The following FGD3 variants were observed in gnomAD, a reference collection of about 807,000 sequenced individuals.
The protein encoded by FGD3 is FYVE, RhoGEF and PH domain containing 3, also known as FYVE, RhoGEF and PH domain-containing protein 3.
FGD3 carries 45 observed loss-of-function variants against 71.8 expected under a neutral mutation model. The ratio of observed to expected loss-of-function variants is 0.63; its 90% confidence interval spans 0.49 to 0.80. The LOEUF (loss-of-function observed/expected upper bound fraction) is 0.80, where lower values mean the gene tolerates loss of function less well. FGD3 is among the 30% of genes least tolerant of loss of function. FGD3 has a pLI of 0.00. For missense variants in FGD3, 844 were observed against 951.5 expected (o/e 0.89, Z 1.49); for synonymous variants, 378 against 392.8 (o/e 0.96, Z 0.44).
At chr9:92,967,997 G>A (rs2118539487) in intron 1 of FGD3, among the ~76,000 whole-genome samples, 1 of 152,326 alleles carries the variant, frequency 6.6e-6, no homozygotes, top group African/African-American at 2.4e-5. Flanking sequence ...ATGCTGCTAT[G>A]TATGTGGGTG....
intron 1 of FGD3, among the ~76,000 whole-genome samples, chr9:92,958,181 TAG>T (rs1361515917): frequency 6.6e-6 from 1 of 152,056 alleles, no homozygotes; most frequent in East Asian, 1.9e-4. Flanking sequence ...GTATTTTTAG[TAG>T]AGACAGGGTT....
chr9:93,004,120 G>A lies in FGD3; in HGVS notation c.663G>A (p.Thr221=), dbSNP rs1022257734. Reference sequence around the variant, plus strand: ...AGTTCCTGCTGCCGGAGCTGAAGACGCGGATCACGGAGGAGTGGTGAGTAC... The same window carrying A: ...AGTTCCTGCTGCCGGAGCTGAAGACACGGATCACGGAGGAGTGGTGAGTAC... ...HGQFLLPELK[T]RITEEWDTNP... The change falls in exon 5 of 18, where the codon ACG becomes ACA. Residue 221 remains threonine, a synonymous_variant. Transcript: ENST00000375482. The A allele has an allele frequency of 2.5e-6, 4 of 1,613,990 alleles. No homozygotes were observed. The highest frequency in any genetic ancestry group is 3.3e-4 in the Middle Eastern group (2 of 6,062).
intron 3 of FGD3, among the ~76,000 whole-genome samples, chr9:92,991,303 T>C (rs1353468353): frequency 6.6e-6 from 1 of 152,152 alleles, no homozygotes; most frequent in African/African-American, 2.4e-5. Context: ...GGTTTCAAAC[T>C]CCTAGGCTCA....
At chr9:93,033,382 C>T (rs562453710) in intron 16 of FGD3, 7 of 201,888 alleles carry the variant, frequency 3.5e-5, no homozygotes, top group Admixed American at 1.6e-4. Flanking sequence ...CCTCTCCCTC[C>T]GCCTCGCTGT....
chr9:92,996,066 T>C (rs1860631148), intron 3 of FGD3, among the ~76,000 whole-genome samples: 1 of 152,196 alleles, frequency 6.6e-6, no homozygotes, highest in Admixed American at 6.5e-5. Flanking sequence ...CAGCTCCTCT[T>C]TGTACCTCTG....
At chr9:92,966,832 C>CT (rs1167755892) in intron 1 of FGD3, among the ~76,000 whole-genome samples, 5 of 152,254 alleles carry the variant, frequency 3.3e-5, no homozygotes, top group African/African-American at 1.2e-4. Context: ...CCCTTCGCAC[C>CT]TTGTCATTTT....
intron 8 of FGD3, among the ~76,000 whole-genome samples, chr9:93,012,524 G>C (rs183018635): frequency 6.6e-6 from 1 of 152,034 alleles, no homozygotes; most frequent in East Asian, 1.9e-4. Context: ...GTGGCTCATG[G>C]CTGTAATCCC....
chr9:92,990,773 T>G (rs918723968), intron 3 of FGD3, among the ~76,000 whole-genome samples: 1 of 152,222 alleles, frequency 6.6e-6, no homozygotes, highest in African/African-American at 2.4e-5. Flanking sequence ...TAAATCCCAC[T>G]CGATTGTGGT....
chr9:93,018,168 T>G lies in FGD3; in HGVS notation c.1308T>G (p.His436Gln), dbSNP rs775869233. ...ATATCGTCAAGCCAAACACAGCACA[T>G]ACATTCATCATAACAGGAAGAAAAA... Reference protein sequence around the residue: ...VQDIVKPNTAHTFIITGRKRS... With the variant: ...VQDIVKPNTAQTFIITGRKRS... Residue 436 changes from histidine (H) to glutamine (Q), a missense_variant, in exon 11 of 18, where the codon CAT becomes CAG. His to Gln is a conservative substitution (Grantham distance 24). Coordinates refer to ENST00000375482, the MANE Select transcript of FGD3 (RefSeq NM_001083536.2). 6.2e-6 allele frequency: 10 copies of G among 1,614,020 alleles called. No homozygotes were observed. The South Asian group carries it at 1.1e-4, about 18-fold the overall frequency.
intron 16 of FGD3, 58 bp from the exon 17 acceptor site, chr9:93,034,483 G>A: frequency 2.6e-6 from 4 of 1,543,370 alleles, no homozygotes; most frequent in Non-Finnish European, 3.5e-6. Flanking sequence ...AGCCTCCTCA[G>A]AACAGGGGTG....
intron 10 of FGD3, among the ~76,000 whole-genome samples, chr9:93,016,988 C>T (rs954359523): frequency 8.5e-5 from 13 of 152,300 alleles, no homozygotes; most frequent in Non-Finnish European, 1.8e-4. Flanking sequence ...AAGCTGGGCA[C>T]GTAGTTTCGC....
chr9:93,035,403 G>C lies in FGD3; in HGVS notation c.1992G>C (p.Glu664Asp). The C allele has an allele frequency of 6.2e-7, 1 of 1,611,988 alleles. No homozygotes were observed. The highest frequency in any genetic ancestry group is 8.5e-7 in the Non-Finnish European group (1 of 1,179,340). The change falls in exon 18 of 18, where the codon GAG becomes GAC. Residue 664 changes from glutamate to aspartate, a missense_variant. By Grantham distance (45) the Glu-to-Asp change is conservative (BLOSUM62 2). Transcript: ENST00000375482. ...AACTGAGTGTGCCGGACCCTGAGGA[G>C]AGGCTGGACTCGGGGCATGTGTGGA... is the stretch of plus-strand genomic sequence containing the variant. ...SCKLSVPDPE[E>D]RLDSGHVWKL...
chr9:92,982,045 A>G (rs1419468885), intron 3 of FGD3, among the ~76,000 whole-genome samples: 1 of 152,210 alleles, frequency 6.6e-6, no homozygotes, highest in Non-Finnish European at 1.5e-5. Flanking sequence ...TGTTAACAAT[A>G]GTCCTTCTAC....
rs568751760 is a variant in FGD3, at chr9:93,014,084, G to C, written c.1182+86G>C. 38 of 1,474,500 alleles carry C rather than the reference G, an allele frequency of 2.6e-5. No individual in the cohort carries two copies. The African/African-American group carries it at 5.3e-4, about 20-fold the overall frequency. 91.3% of individuals were successfully genotyped at this position (1,474,500 alleles called of 1,614,324 possible). ...GGGCAGTGCCAGGAGGGCTCTGGCT[G>C]CCCAAGGACATGGCTCTTCTGTGGC... is the stretch of plus-strand genomic sequence containing the variant. On this transcript the variant is annotated intron_variant, in intron 9 of 17. Coordinates refer to ENST00000375482, the MANE Select transcript of FGD3 (RefSeq NM_001083536.2).
chr9:93,009,673 A>G lies in FGD3; in HGVS notation c.838-573A>G, dbSNP rs184672625. On this transcript the variant is annotated intron_variant, in intron 6 of 17. Coordinates refer to ENST00000375482, the MANE Select transcript of FGD3 (RefSeq NM_001083536.2). ...AGACATGGCAGCAAGGAGGTGCTGC[A>G]GGGTGCGAGGGGAGGCACAGGGAGC... Among the ~76,000 whole-genome samples, 13 of 152,336 alleles carry G rather than the reference A, an allele frequency of 8.5e-5. 1 individual carries two copies. The East Asian group carries it at 1.7e-3, about 20-fold the overall frequency.
At chr9:92,997,220 C>A (rs1860681444) in intron 3 of FGD3, among the ~76,000 whole-genome samples, 1 of 152,120 alleles carries the variant, frequency 6.6e-6, no homozygotes, top group South Asian at 2.1e-4. Flanking sequence ...GTCCCTTTAC[C>A]ATTATGCAAT....
At chr9:93,014,796 C>T (rs1861599912) in intron 9 of FGD3, among the ~76,000 whole-genome samples, 1 of 152,134 alleles carries the variant, frequency 6.6e-6, no homozygotes, top group African/African-American at 2.4e-5. Flanking sequence ...CGTGCGCCAC[C>T]ACGCCCGGCT....
chr9:92,953,623 C>A (rs561607007), intron 1 of FGD3, among the ~76,000 whole-genome samples: 7 of 152,300 alleles, frequency 4.6e-5, no homozygotes, highest in Non-Finnish European at 8.8e-5. Flanking sequence ...GGGGCTCACA[C>A]AATGTCACCT....
At chr9:93,010,461 GA>G in intron 7 of FGD3, 77 bp downstream of exon 7, 2 of 1,387,512 alleles carry the variant, frequency 1.4e-6, no homozygotes, top group South Asian at 2.7e-5. Context: ...GAGAGGGAGA[GA>G]GAGAGTCGTG....
Sources: gnomAD v4.1 joint callset for allele counts (sites outside exome capture counted in the v4.1 genomes callset) on GRCh38, gnomAD v4.1.1 for gene constraint, MANE v1.5 for transcripts, NCBI Gene and HGNC (gene_info 2026-07-23, HGNC 2026-07-21) for gene names.